Variants in NKAIN2 observed in about 807,000 individuals in gnomAD.
NKAIN2 encodes sodium/potassium-transporting ATPase subunit beta-1-interacting protein 2.
In NKAIN2, 14 loss-of-function variants were observed where a neutral mutation model predicts 32.6. That is an observed-to-expected ratio of 0.43 (90% CI 0.28 to 0.67). The LOEUF is 0.67. NKAIN2 is among the 30% of genes least tolerant of loss of function. The pLI, the probability that NKAIN2 is intolerant of heterozygous loss-of-function variation, is 0.17. For missense variants in NKAIN2, 198 were observed against 258.3 expected (o/e 0.77, Z 1.60); for synonymous variants, 80 against 87.2 (o/e 0.92, Z 0.46).
At chr6:124,305,905 T>C (rs1303058801) in intron 2 of NKAIN2, among the ~76,000 whole-genome samples, 1 of 152,208 alleles carries the variant, frequency 6.6e-6, no homozygotes, top group Non-Finnish European at 1.5e-5. Context: ...TCTTATTTCC[T>C]AATTCTTTCT....
At chr6:124,393,044 C>A (rs961727373) in intron 3 of NKAIN2, among the ~76,000 whole-genome samples, 2 of 152,060 alleles carry the variant, frequency 1.3e-5, no homozygotes, top group Admixed American at 1.3e-4. Context: ...GATCTACATC[C>A]CTTTCCTTTT....
chr6:124,025,534 T>C (rs541388429), intron 1 of NKAIN2, among the ~76,000 whole-genome samples: 1 of 152,296 alleles, frequency 6.6e-6, no homozygotes, highest in Admixed American at 6.5e-5. Context: ...CTTCCTTTCA[T>C]GGCCCTTCCT....
At chr6:124,437,869 TTGA>T (rs1239257567) in intron 3 of NKAIN2, 80 of 383,352 alleles carry the variant, frequency 2.1e-4, no homozygotes, top group South Asian at 1.4e-3. Context: ...TACTGATCTA[TTGA>T]TTTTTTTTTT....
chr6:124,809,353 G>A (rs1420820179), intron 5 of NKAIN2, among the ~76,000 whole-genome samples: 1 of 149,468 alleles, frequency 6.7e-6, no homozygotes, highest in Non-Finnish European at 1.5e-5. Flanking sequence ...TCCGATCTTT[G>A]ACAAACCTGA....
chr6:124,366,412 A>T (rs370828749), intron 3 of NKAIN2, among the ~76,000 whole-genome samples: 9 of 152,278 alleles, frequency 5.9e-5, no homozygotes, highest in African/African-American at 1.4e-4. Context: ...CTTTTTATTC[A>T]TTAAATAAAT....
At chr6:124,288,234 T>C (rs1287244475) in intron 2 of NKAIN2, among the ~76,000 whole-genome samples, 1 of 152,206 alleles carries the variant, frequency 6.6e-6, no homozygotes, top group Non-Finnish European at 1.5e-5. Context: ...ATAGTAGAGT[T>C]AGGAGGTTGA....
At chr6:123,941,729 T>C (rs1776836038) in intron 1 of NKAIN2, among the ~76,000 whole-genome samples, 1 of 152,028 alleles carries the variant, frequency 6.6e-6, no homozygotes, top group Admixed American at 6.6e-5. Flanking sequence ...AATCTGTTGC[T>C]CTGCTTCGGG....
chr6:124,469,821 C>T (rs1484918689), intron 3 of NKAIN2, among the ~76,000 whole-genome samples: 1 of 152,130 alleles, frequency 6.6e-6, no homozygotes, highest in Non-Finnish European at 1.5e-5. Context: ...TAGTTGTGGA[C>T]CCTGCACTGG....
chr6:124,206,404 A>G (rs1015997580), intron 1 of NKAIN2, among the ~76,000 whole-genome samples: 1 of 151,932 alleles, frequency 6.6e-6, no homozygotes, highest in Admixed American at 6.6e-5. Flanking sequence ...TCTATAAATC[A>G]GAAAGTTTGT....
At chr6:124,605,063 T>C (rs528310581) in intron 3 of NKAIN2, among the ~76,000 whole-genome samples, 1 of 152,180 alleles carries the variant, frequency 6.6e-6, no homozygotes, top group South Asian at 2.1e-4. Flanking sequence ...AACCCTTTCA[T>C]GATATAAATG....
At chr6:124,671,663 C>T (rs1269111030) in intron 4 of NKAIN2, among the ~76,000 whole-genome samples, 2 of 151,970 alleles carry the variant, frequency 1.3e-5, no homozygotes, top group Non-Finnish European at 2.9e-5. Context: ...GGCATAAAAA[C>T]TATATAGAGC....
At chr6:124,409,309 A>C (rs1296375844) in intron 3 of NKAIN2, among the ~76,000 whole-genome samples, 3 of 152,280 alleles carry the variant, frequency 2.0e-5, no homozygotes, top group African/African-American at 7.2e-5. Flanking sequence ...TTGCCCATTC[A>C]GTATGATATT....
chr6:123,832,512 A>T (rs756942693), intron 1 of NKAIN2, among the ~76,000 whole-genome samples: 2 of 152,158 alleles, frequency 1.3e-5, no homozygotes, highest in Non-Finnish European at 2.9e-5. Context: ...TTTGTATTCT[A>T]TGGTAAGAAT....
At chr6:124,228,786 A>G (rs1403424491) in intron 1 of NKAIN2, among the ~76,000 whole-genome samples, 1 of 152,218 alleles carries the variant, frequency 6.6e-6, no homozygotes, top group African/African-American at 2.4e-5. Context: ...TTTTTAATGT[A>G]AAATGAAATA....
At chr6:124,418,066 C>T (rs1774573646) in intron 3 of NKAIN2, among the ~76,000 whole-genome samples, 1 of 152,066 alleles carries the variant, frequency 6.6e-6, no homozygotes, top group African/African-American at 2.4e-5. Context: ...AAAAGTTCAG[C>T]AGCTTGAGAG....
chr6:124,757,098 TC>T (rs1346649133), intron 4 of NKAIN2, among the ~76,000 whole-genome samples: 1 of 30,564 alleles, frequency 3.3e-5, no homozygotes, highest in East Asian at 4.6e-4. Flanking sequence ...TTCTATTCCC[TC>T]CACTGTCGCC....
chr6:124,625,305 TG>T (rs1428008704), intron 3 of NKAIN2, among the ~76,000 whole-genome samples: 2 of 145,622 alleles, frequency 1.4e-5, no homozygotes, highest in East Asian at 4.1e-4. Flanking sequence ...AGCTGTGGTA[TG>T]GGAGGCTTGA....
intron 1 of NKAIN2, among the ~76,000 whole-genome samples, chr6:123,971,378 A>G (rs918430148): frequency 2.6e-5 from 4 of 151,920 alleles, no homozygotes; most frequent in African/African-American, 9.7e-5. Flanking sequence ...ACTGCCTTGT[A>G]TTTTAATACG....
intron 4 of NKAIN2, among the ~76,000 whole-genome samples, chr6:124,731,527 G>A (rs1178023689): frequency 4.4e-4 from 59 of 134,316 alleles, no homozygotes; most frequent in African/African-American, 1.6e-3. Flanking sequence ...CATGGACACA[G>A]GAAGGGGAAT....
Sources: allele counts gnomAD v4.1 joint callset (sites outside exome capture counted in the v4.1 genomes callset), GRCh38; gene constraint gnomAD v4.1.1; transcripts MANE v1.5; gene names NCBI Gene and HGNC (gene_info 2026-07-23, HGNC 2026-07-21).